Variants in NETO2 observed in about 807,000 individuals in gnomAD.
The protein encoded by NETO2 is neuropilin and tolloid like 2.
Under a neutral mutation model 62.5 loss-of-function variants are expected in NETO2, and 28 were observed. The observed-to-expected ratio is 0.45, with a 90% CI of 0.33 to 0.61. The LOEUF is 0.61. Ranked by LOEUF, NETO2 falls within the 20% of genes least tolerant of loss-of-function variation. The pLI is 0.02. For synonymous variants in NETO2, 214 were observed against 219.1 expected (o/e 0.98, Z 0.21); for missense variants, 548 against 643.2 (o/e 0.85, Z 1.60).
chr16:47,121,267 T>C (rs1000700888), intron 6 of NETO2, among the ~76,000 whole-genome samples: 3 of 152,146 alleles, frequency 2.0e-5, no homozygotes, highest in Non-Finnish European at 2.9e-5. Flanking sequence ...CTCGTACCCA[T>C]GGTGGGCTGT....
Position 47,143,567 on chromosome 16 carries a change from C to A in NETO2, c.34+12G>T. On this transcript the variant is annotated intron_variant, in intron 1 of 8. Coordinates refer to ENST00000562435, the MANE Select transcript of NETO2 (RefSeq NM_018092.5). ...AGGGGGCGCCGTCCGTGGCCCCAGC[C>A]CCGGTCCTTACCTTTGAGGACCGAG... is the stretch of plus-strand genomic sequence containing the variant. The A allele has an allele frequency of 4.1e-6, 5 of 1,223,880 alleles. No homozygotes were observed. Among genetic ancestry groups the A allele is most frequent in the Non-Finnish European group, 5.1e-6 (5 of 979,202 alleles). 75.8% of individuals were successfully genotyped at this position (1,223,880 alleles called of 1,614,324 possible). A position where few individuals can be genotyped will look rare whatever the true frequency, so the allele number is the denominator to read the frequency against.
At chr16:47,137,104 C>T (rs1460531668) in intron 1 of NETO2, among the ~76,000 whole-genome samples, 1 of 152,158 alleles carries the variant, frequency 6.6e-6, no homozygotes, top group Admixed American at 6.5e-5. Flanking sequence ...TACAAACTGG[C>T]ACAACTTTTT....
At chr16:47,139,985 C>T (rs1964431424) in intron 1 of NETO2, among the ~76,000 whole-genome samples, 1 of 152,164 alleles carries the variant, frequency 6.6e-6, no homozygotes, top group South Asian at 2.1e-4. Flanking sequence ...TTACTCCAGG[C>T]ATATTTAAAC....
intron 7 of NETO2, among the ~76,000 whole-genome samples, chr16:47,086,602 T>C (rs1042418539): frequency 6.6e-6 from 1 of 152,226 alleles, no homozygotes; most frequent in African/African-American, 2.4e-5. Context: ...GGAACCAGTA[T>C]ACAGTCTGGT....
intron 2 of NETO2, among the ~76,000 whole-genome samples, chr16:47,130,291 C>T (rs1211169282): frequency 6.6e-6 from 1 of 152,156 alleles, no homozygotes; most frequent in Non-Finnish European, 1.5e-5. Context: ...GATGCAGATG[C>T]AGGAGTTCCC....
At position 47,122,056 on chromosome 16, in the gene NETO2, C is replaced by G. The variant is rs576974223; in HGVS notation, c.654+601G>C. On this transcript the variant is annotated intron_variant, in intron 6 of 8. Transcript: ENST00000562435. ...CTCTCTCCTCTTTTCCCTCTTTTTA[C>G]ATAATACGCATTAAATATAATTTTA... Among the ~76,000 whole-genome samples the G allele has an allele frequency of 3.3e-5, 5 of 152,248 alleles. No individual in the cohort carries two copies. In the South Asian group the frequency reaches 1.0e-3, roughly 32 times the overall value.
intron 7 of NETO2, among the ~76,000 whole-genome samples, chr16:47,106,320 C>G (rs529595550): frequency 4.4e-4 from 67 of 152,092 alleles, no homozygotes; most frequent in Non-Finnish European, 9.3e-4. Context: ...TGGGAAGGAA[C>G]TGTTTCATGG....
chr16:47,083,783 ACTC>A lies in NETO2; in HGVS notation c.1013_1015del (p.Gly338del). On this transcript the variant is annotated inframe_deletion, in exon 9 of 9. Transcript: ENST00000562435. ...ATGAGTCTTAGTGATTTGTTCAAAT[ACTC>A]CTGCTTTTTTCTTTTCTGCAGAAAG... 3 of 1,581,556 alleles carry A rather than the reference ACTC, an allele frequency of 1.9e-6. No individual in the cohort carries two copies. The highest frequency in any genetic ancestry group is 1.7e-6 in the Non-Finnish European group (2 of 1,162,444).
At chr16:47,088,643 ATC>A (rs1250726638) in intron 7 of NETO2, among the ~76,000 whole-genome samples, 3 of 152,070 alleles carry the variant, frequency 2.0e-5, no homozygotes, top group Admixed American at 6.5e-5. Flanking sequence ...TCTAAATATT[ATC>A]TTTCTTTTAA....
rs965488382 is a variant in NETO2 at position 47,078,676 on chromosome 16, A to G, written c.*4545T>C. On this transcript the variant is annotated 3_prime_UTR_variant, in exon 9 of 9. Transcript: ENST00000562435. ...AAACTCCAATCATTCTCCAAAACTC[A>G]AGAGATATGGCACACAAATATTTAA... The G allele has an allele frequency of 3.9e-5, 6 of 152,212 alleles. No homozygotes were observed. The highest frequency in any genetic ancestry group is 3.3e-4 in the Admixed American group (5 of 15,284). The allele number at this position is 152,212 out of a possible 1,614,324, so 9.4% of individuals were successfully genotyped here. A position where few individuals can be genotyped will look rare whatever the true frequency, so the allele number is the denominator to read the frequency against.
chr16:47,084,336 G>A (rs1163993816), intron 8 of NETO2, among the ~76,000 whole-genome samples: 1 of 152,184 alleles, frequency 6.6e-6, no homozygotes, highest in African/African-American at 2.4e-5. Flanking sequence ...TCCACAGTAA[G>A]ATATTTATTG....
At chr16:47,085,403 G>A (rs867625280) in intron 8 of NETO2, among the ~76,000 whole-genome samples, 2 of 151,386 alleles carry the variant, frequency 1.3e-5, no homozygotes, top group Admixed American at 6.6e-5. Context: ...TGGATGAGAC[G>A]GAGTTTTCAC....
At chr16:47,093,023 C>A (rs966042993) in intron 7 of NETO2, among the ~76,000 whole-genome samples, 1 of 152,230 alleles carries the variant, frequency 6.6e-6, no homozygotes, top group African/African-American at 2.4e-5. Flanking sequence ...ACCTCCATGG[C>A]TTCCCGCTGT....
chr16:47,112,526 T>C (rs7500933), intron 6 of NETO2, among the ~76,000 whole-genome samples: 3,089 of 152,204 alleles, frequency 0.02, 107 homozygotes, highest in African/African-American at 0.07. Flanking sequence ...ACCTGGCTAA[T>C]TTTTTGTATT....
chr16:47,116,767 G>A (rs1218516875), intron 6 of NETO2, among the ~76,000 whole-genome samples: 1 of 152,164 alleles, frequency 6.6e-6, no homozygotes, highest in African/African-American at 2.4e-5. Context: ...GTTAGAAGGT[G>A]TTTACGAATT....
chr16:47,115,718 T>C (rs28816114), intron 6 of NETO2, among the ~76,000 whole-genome samples: 160 of 133,422 alleles, frequency 1.2e-3, no homozygotes, highest in African/African-American at 5.3e-3. Context: ...TATATACATA[T>C]ATATATATAT....
intron 2 of NETO2, 78 bp downstream of exon 2, chr16:47,131,891 C>A (rs1964272755): frequency 1.7e-6 from 2 of 1,191,494 alleles, no homozygotes; most frequent in East Asian, 2.4e-5. Context: ...GAAAATAGTA[C>A]CCAAAAGTTG....
At chr16:47,124,474 T>C (rs539905886) in intron 4 of NETO2, among the ~76,000 whole-genome samples, 12 of 152,350 alleles carry the variant, frequency 7.9e-5, no homozygotes, top group African/African-American at 2.9e-4. Flanking sequence ...TTAATAGGTT[T>C]CTTCCAGATT....
chr16:47,105,249 GTT>G, intron 7 of NETO2, among the ~76,000 whole-genome samples: 1 of 152,050 alleles, frequency 6.6e-6, no homozygotes, highest in South Asian at 2.1e-4. Context: ...AAAGGACAGT[GTT>G]TTCAAAAAAT....
Sources: gnomAD v4.1 joint callset for allele counts (sites outside exome capture counted in the v4.1 genomes callset) on GRCh38, gnomAD v4.1.1 for gene constraint, MANE v1.5 for transcripts, NCBI Gene and HGNC (gene_info 2026-07-23, HGNC 2026-07-21) for gene names.